Variants in ODAD2 observed in about 807,000 individuals in gnomAD.
ODAD2 encodes outer dynein arm-docking complex subunit 2.
ODAD2 carries 89 observed loss-of-function variants against 106.8 expected under a neutral mutation model. That is an observed-to-expected ratio of 0.83 (90% CI 0.70 to 0.99). The LOEUF is 0.99. ODAD2 is among the 50% of genes least tolerant of loss of function. ODAD2 has a pLI of 0.00. For missense variants in ODAD2, 1,168 were observed against 1,238.5 expected (o/e 0.94, Z 0.85); for synonymous variants, 404 against 436.2 (o/e 0.93, Z 0.92).
At chr10:27,905,325 C>G (rs1589978635) in intron 17 of ODAD2, among the ~76,000 whole-genome samples, 1 of 152,080 alleles carries the variant, frequency 6.6e-6, no homozygotes, top group Admixed American at 6.6e-5. Flanking sequence ...TGAAGGACCT[C>G]TTCAAGGAGA....
At chr10:27,852,265 A>G (rs1347666781) in intron 19 of ODAD2, among the ~76,000 whole-genome samples, 1 of 152,236 alleles carries the variant, frequency 6.6e-6, no homozygotes, top group Non-Finnish European at 1.5e-5. Context: ...GTAACTATGA[A>G]GGTAAATAGA....
intron 7 of ODAD2, among the ~76,000 whole-genome samples, chr10:27,973,061 CA>C (rs1338114127): frequency 6.6e-6 from 1 of 152,032 alleles, no homozygotes; most frequent in Non-Finnish European, 1.5e-5. Context: ...CATCTTAATA[CA>C]TTGGAATTGA....
chr10:27,845,169 G>C (rs2133155246), intron 19 of ODAD2, among the ~76,000 whole-genome samples: 1 of 152,288 alleles, frequency 6.6e-6, no homozygotes, highest in African/African-American at 2.4e-5. Context: ...TGCAGCCAGA[G>C]AGAAACAGTG....
At chr10:27,951,030 A>G (rs1847295052) in intron 10 of ODAD2, among the ~76,000 whole-genome samples, 1 of 152,206 alleles carries the variant, frequency 6.6e-6, no homozygotes, top group African/African-American at 2.4e-5. Context: ...GCAAAATAAT[A>G]ATAAAAATAT....
chr10:27,991,410 A>G (rs980753033), intron 2 of ODAD2, among the ~76,000 whole-genome samples: 1 of 152,236 alleles, frequency 6.6e-6, no homozygotes, highest in Admixed American at 6.5e-5. Context: ...AAAAGGACAG[A>G]AGGCAGTTGA....
chr10:27,853,063 A>T (rs1839395084), intron 19 of ODAD2, among the ~76,000 whole-genome samples: 1 of 151,306 alleles, frequency 6.6e-6, no homozygotes. Flanking sequence ...GTTGTATAAA[A>T]GACTGAATAA....
intron 17 of ODAD2, among the ~76,000 whole-genome samples, chr10:27,907,258 G>C (rs1843665478): frequency 6.6e-6 from 1 of 152,126 alleles, no homozygotes; most frequent in Non-Finnish European, 1.5e-5. Flanking sequence ...ACAGAACGTA[G>C]TGCTCTCTCA....
rs114510803 is a variant in ODAD2 at position 27,852,683 on chromosome 10, G to A, written c.3021+7942C>T. 7.5e-3 allele frequency among the ~76,000 whole-genome samples: 1,144 copies of A among 152,208 alleles called. 17 individuals carry two copies. Among genetic ancestry groups the A allele is most frequent in the African/African-American group, 0.026 (1,083 of 41,538 alleles). Reference sequence around the variant, plus strand: ...GGTACATTTAAAGCTAACCGTGGCCGGGCACAGTGGCTCACGCCCATAATC... The same window carrying A: ...GGTACATTTAAAGCTAACCGTGGCCAGGCACAGTGGCTCACGCCCATAATC... On this transcript the variant is annotated intron_variant, in intron 19 of 19. Coordinates refer to ENST00000305242, the MANE Select transcript of ODAD2 (RefSeq NM_018076.5).
At chr10:27,898,370 T>C (rs1842984314) in intron 17 of ODAD2, among the ~76,000 whole-genome samples, 1 of 152,184 alleles carries the variant, frequency 6.6e-6, no homozygotes, top group Non-Finnish European at 1.5e-5. Context: ...AATAACAGTT[T>C]ATGTGAACCC....
At chr10:27,967,548 C>T (rs1053172626) in intron 9 of ODAD2, among the ~76,000 whole-genome samples, 1 of 151,754 alleles carries the variant, frequency 6.6e-6, no homozygotes, top group African/African-American at 2.4e-5. Context: ...CCTGGAGAAG[C>T]AACACATACC....
chr10:27,926,786 TATA>T (rs906901483), intron 16 of ODAD2, among the ~76,000 whole-genome samples: 2 of 152,218 alleles, frequency 1.3e-5, no homozygotes, highest in African/African-American at 4.8e-5. Context: ...TTTGACATTT[TATA>T]ATATTTTATC....
chr10:27,996,877 A>T (rs1850584612), intron 1 of ODAD2, among the ~76,000 whole-genome samples: 1 of 152,108 alleles, frequency 6.6e-6, no homozygotes, highest in African/African-American at 2.4e-5. Flanking sequence ...CTACTTCCCT[A>T]TATATTCTAG....
At chr10:27,987,969 G>C (rs1410072358) in intron 2 of ODAD2, among the ~76,000 whole-genome samples, 1 of 148,848 alleles carries the variant, frequency 6.7e-6, no homozygotes, top group African/African-American at 2.5e-5. Context: ...TAGTGGTTAG[G>C]GGTTTTCTTG....
chr10:27,837,877 A>C (rs1046310488), intron 19 of ODAD2, among the ~76,000 whole-genome samples: 2 of 152,192 alleles, frequency 1.3e-5, no homozygotes, highest in African/African-American at 4.8e-5. Flanking sequence ...AAATCTGCAT[A>C]AGGTGTAATA....
chr10:27,864,627 G>A (rs1225614315), intron 17 of ODAD2, among the ~76,000 whole-genome samples: 6 of 146,626 alleles, frequency 4.1e-5, no homozygotes, highest in Admixed American at 4.1e-4. Context: ...GGGAGTGAGG[G>A]GAGAGTGAGG....
At chr10:27,835,719 A>G (rs1361507635) in intron 19 of ODAD2, among the ~76,000 whole-genome samples, 1 of 152,158 alleles carries the variant, frequency 6.6e-6, no homozygotes, top group Admixed American at 6.5e-5. Flanking sequence ...GAAAGTCATA[A>G]GGAAGAAACA....
intron 17 of ODAD2, among the ~76,000 whole-genome samples, chr10:27,901,517 G>A (rs1843199252): frequency 6.6e-6 from 1 of 152,124 alleles, no homozygotes; most frequent in Non-Finnish European, 1.5e-5. Flanking sequence ...ACATAGATTG[G>A]CAAATTGGAT....
At chr10:27,845,878 C>G (rs1304027541) in intron 19 of ODAD2, among the ~76,000 whole-genome samples, 1 of 152,166 alleles carries the variant, frequency 6.6e-6, no homozygotes, top group Non-Finnish European at 1.5e-5. Flanking sequence ...GCTAACTATC[C>G]TAAATATATA....
intron 19 of ODAD2, among the ~76,000 whole-genome samples, chr10:27,852,794 C>G (rs996175905): frequency 1.3e-5 from 2 of 151,608 alleles, no homozygotes; most frequent in Non-Finnish European, 2.9e-5. Flanking sequence ...AACCCCGTCT[C>G]TGCTAAAAAT....
Sources: allele counts gnomAD v4.1 joint callset (sites outside exome capture counted in the v4.1 genomes callset), GRCh38; gene constraint gnomAD v4.1.1; transcripts MANE v1.5; gene names NCBI Gene and HGNC (gene_info 2026-07-23, HGNC 2026-07-21).